The following PIKFYVE variants were observed in gnomAD, a reference collection of about 807,000 sequenced individuals.
The protein encoded by PIKFYVE is 1-phosphatidylinositol 3-phosphate 5-kinase.
In PIKFYVE, 122 loss-of-function variants were observed where a neutral mutation model predicts 257.9. That is an observed-to-expected ratio of 0.47 (90% CI 0.41 to 0.55). PIKFYVE has a LOEUF of 0.55. Ranked by LOEUF, PIKFYVE falls within the 20% of genes least tolerant of loss-of-function variation. PIKFYVE has a pLI of 0.00. For synonymous variants in PIKFYVE, 892 were observed against 868.9 expected (o/e 1.03, Z -0.47); for missense variants, 2,160 against 2,536.6 (o/e 0.85, Z 3.19).
intron 20 of PIKFYVE, among the ~76,000 whole-genome samples, chr2:208,326,802 T>C (rs1388933748): frequency 6.6e-6 from 1 of 152,168 alleles, no homozygotes; most frequent in African/African-American, 2.4e-5. Flanking sequence ...AATAGATGTG[T>C]TTTTTTAAAA....
rs1350562363 is a variant in PIKFYVE, at chr2:208,357,533, T to C, written c.*2228T>C. 1.3e-5 allele frequency: 2 copies of C among 152,244 alleles called. No individual in the cohort carries two copies. The highest frequency in any genetic ancestry group is 4.8e-5 in the African/African-American group (2 of 41,462). 9.4% of individuals were successfully genotyped at this position (152,244 alleles called of 1,614,324 possible). A position where few individuals can be genotyped will look rare whatever the true frequency, so the allele number is the denominator to read the frequency against. ...AAAGTACTGTAGTCTAGTAGGTAACTTTGTGGCAAAAATTTTCAATATAAT... is the reference window on the plus strand; with the variant it reads ...AAAGTACTGTAGTCTAGTAGGTAACCTTGTGGCAAAAATTTTCAATATAAT... On this transcript the variant is annotated 3_prime_UTR_variant, in exon 42 of 42. Coordinates refer to ENST00000264380, the MANE Select transcript of PIKFYVE (RefSeq NM_015040.4).
At chr2:208,340,185 T>G in intron 31 of PIKFYVE, 54 bp downstream of exon 31, 1 of 1,590,480 alleles carries the variant, frequency 6.3e-7, no homozygotes, top group East Asian at 2.2e-5. Context: ...TTTCCTTAGT[T>G]GCTCGCTTCA....
chr2:208,274,949 A>T (rs1317126850), intron 3 of PIKFYVE, among the ~76,000 whole-genome samples: 1 of 152,254 alleles, frequency 6.6e-6, no homozygotes, highest in Non-Finnish European at 1.5e-5. Context: ...GCAGCCTGCC[A>T]AACCTTGCCA....
intron 29 of PIKFYVE, 22 bp from the exon 30 acceptor site, chr2:208,339,396 T>C (rs747529866): frequency 1.9e-6 from 3 of 1,613,448 alleles, no homozygotes; most frequent in African/African-American, 1.3e-5. Context: ...AATGACTCAT[T>C]TAAGATTGTG....
chr2:208,303,444 A>T (rs1019207323), intron 10 of PIKFYVE, among the ~76,000 whole-genome samples: 1 of 152,198 alleles, frequency 6.6e-6, no homozygotes, highest in Non-Finnish European at 1.5e-5. Flanking sequence ...CAATTAATAC[A>T]TATTTTGTAT....
In PIKFYVE at chr2:208,315,277, C is replaced by T. The variant is rs202236263; in HGVS notation, c.1911C>T (p.Ile637=). 1.6e-4 allele frequency: 262 copies of T among 1,613,970 alleles called. No individual in the cohort carries two copies. Among genetic ancestry groups the T allele is most frequent in the Non-Finnish European group, 2.1e-4 (248 of 1,179,974 alleles). Residue 637 remains isoleucine, a synonymous_variant, in exon 15 of 42, where the codon ATC becomes ATT. Coordinates refer to ENST00000264380, the MANE Select transcript of PIKFYVE (RefSeq NM_015040.4). The part of the protein sequence containing the change: ...DSLSSSWRDI[I]VSLVCQVVQT... ...TGTCATCATCTTGGAGGGACATCAT[C>T]GTGTCATTGGTCTGCCAGGTTGTTC...
chr2:208,330,712 C>T lies in PIKFYVE; in HGVS notation c.3963+18C>T, dbSNP rs375885513. On this transcript the variant is annotated intron_variant, in intron 23 of 41. Coordinates refer to ENST00000264380, the MANE Select transcript of PIKFYVE (RefSeq NM_015040.4). The stretch of plus-strand genomic sequence containing the variant: ...GCAAACAGGTAAATAGACCCTATTA[C>T]TATATTTTGTTTGCCATTTATTTCT... The T allele has an allele frequency of 2.4e-5, 38 of 1,600,962 alleles. No individual in the cohort carries two copies. The African/African-American group carries it at 4.7e-4, about 20-fold the overall frequency.
intron 5 of PIKFYVE, among the ~76,000 whole-genome samples, chr2:208,281,971 T>C (rs1690874944): frequency 6.6e-6 from 1 of 152,230 alleles, no homozygotes; most frequent in African/African-American, 2.4e-5. Flanking sequence ...TTTCAGATAA[T>C]TTATACAGTT....
intron 3 of PIKFYVE, chr2:208,274,030 T>G: frequency 6.2e-7 from 1 of 1,612,250 alleles, no homozygotes; most frequent in Non-Finnish European, 8.5e-7. Context: ...GACAACAGTT[T>G]GCAACATCCC....
At chr2:208,327,851 C>T (rs1313561677) in intron 20 of PIKFYVE, among the ~76,000 whole-genome samples, 1 of 151,980 alleles carries the variant, frequency 6.6e-6, no homozygotes, top group Admixed American at 6.6e-5. Context: ...ATGTTATATC[C>T]CATCAGTTCA....
chr2:208,335,025 GTT>G (rs1697978233), intron 24 of PIKFYVE, among the ~76,000 whole-genome samples: 1 of 152,092 alleles, frequency 6.6e-6, no homozygotes, highest in Non-Finnish European at 1.5e-5. Flanking sequence ...AATAGGGATG[GTT>G]TATAACAATC....
At chr2:208,306,803 G>T in intron 12 of PIKFYVE, among the ~76,000 whole-genome samples, 1 of 147,898 alleles carries the variant, frequency 6.8e-6, no homozygotes, top group African/African-American at 2.5e-5. Context: ...TAAGAGACAG[G>T]GTCTGACTCT....
chr2:208,286,101 A>G (rs1389730912), intron 6 of PIKFYVE, among the ~76,000 whole-genome samples, 168 bp downstream of exon 6: 1 of 152,084 alleles, frequency 6.6e-6, no homozygotes, highest in African/African-American at 2.4e-5. Context: ...ATGTTTATGG[A>G]TAGTGATGAT....
chr2:208,266,110 G>C (rs918021463), upstream of PIKFYVE: 3 of 152,310 alleles, frequency 2.0e-5, no homozygotes, highest in Non-Finnish European at 4.4e-5. Flanking sequence ...TCGGCCAAAA[G>C]ATCAGGACGA....
chr2:208,277,534 T>G lies in PIKFYVE; in HGVS notation c.442-3T>G. On this transcript the variant is annotated splice_region_variant and splice_polypyrimidine_tract_variant and intron_variant, in intron 4 of 41. Coordinates refer to ENST00000264380, the MANE Select transcript of PIKFYVE (RefSeq NM_015040.4). ...AAGCCTTCACACATTTTTATTGTTA[T>G]AGGATAGTGACCTGAAACAATACTG... 8 of 1,613,378 alleles carry G rather than the reference T, an allele frequency of 5.0e-6. No individual in the cohort carries two copies. The highest frequency in any genetic ancestry group is 5.9e-6 in the Non-Finnish European group (7 of 1,179,320).
At chr2:208,270,198 T>C (rs1487097749) in intron 1 of PIKFYVE, among the ~76,000 whole-genome samples, 1 of 151,828 alleles carries the variant, frequency 6.6e-6, no homozygotes, top group East Asian at 1.9e-4. Context: ...CCCGCCACCA[T>C]GTCCAGCTAA....
At chr2:208,303,981 A>G (rs1694034710) in intron 10 of PIKFYVE, among the ~76,000 whole-genome samples, 190 bp from the exon 11 acceptor site, 2 of 152,224 alleles carry the variant, frequency 1.3e-5, no homozygotes, top group African/African-American at 4.8e-5. Context: ...AACGAAAATC[A>G]CAATTTTAAA....
intron 1 of PIKFYVE, chr2:208,269,466 T>A (rs1289347574): frequency 7.9e-6 from 2 of 254,450 alleles, no homozygotes; most frequent in South Asian, 1.0e-4. Context: ...GTCTGAGCTC[T>A]GCTCCCGTGA....
chr2:208,290,943 T>C (rs1240748744), intron 7 of PIKFYVE, among the ~76,000 whole-genome samples: 1 of 152,228 alleles, frequency 6.6e-6, no homozygotes, highest in Non-Finnish European at 1.5e-5. Context: ...AGTCTTGTCA[T>C]CGAACAAAGT....
Sources: gnomAD v4.1 joint callset for allele counts (sites outside exome capture counted in the v4.1 genomes callset) on GRCh38, gnomAD v4.1.1 for gene constraint, MANE v1.5 for transcripts, NCBI Gene and HGNC (gene_info 2026-07-23, HGNC 2026-07-21) for gene names.